ZMYM2: variants seen among roughly 807,000 people sequenced by gnomAD.
The protein encoded by ZMYM2 is zinc finger MYM-type containing 2, also known as zinc finger MYM-type protein 2.
In ZMYM2, 56 loss-of-function variants were observed where a neutral mutation model predicts 162.8. That is an observed-to-expected ratio of 0.34 (90% CI 0.28 to 0.43). The LOEUF (loss-of-function observed/expected upper bound fraction) is 0.43. ZMYM2 is among the 20% of genes least tolerant of loss of function. The pLI is 1.00. For synonymous variants in ZMYM2, 510 were observed against 541.6 expected, an observed-to-expected ratio of 0.94 and a Z score of 0.81; for missense variants, 1,275 against 1,621.8, an observed-to-expected ratio of 0.79 and a Z score of 3.67.
At chr13:19,899,290 T>A in the ZMYM2 span, among the ~76,000 whole-genome samples, 3 of 151,970 alleles carry the variant, frequency 2.0e-5, no homozygotes, top group Non-Finnish European at 4.4e-5. Context: ...AATAAATAGA[T>A]AAATAGATAA....
At chr13:19,884,378 G>A in the ZMYM2 span, among the ~76,000 whole-genome samples, 6 of 151,334 alleles carry the variant, frequency 4.0e-5, no homozygotes, top group African/African-American at 9.7e-5. Flanking sequence ...GATCGAGACG[G>A]CCCGGGCTAA....
chr13:19,877,812 C>T, the ZMYM2 span, among the ~76,000 whole-genome samples: 1 of 152,156 alleles, frequency 6.6e-6, no homozygotes, highest in South Asian at 2.1e-4. Context: ...ACTAAGGTTG[C>T]TTCCACATTT....
chr13:19,954,533 C>T (rs1954476333), upstream of ZMYM2, among the ~76,000 whole-genome samples: 1 of 152,090 alleles, frequency 6.6e-6, no homozygotes, highest in Non-Finnish European at 1.5e-5. Flanking sequence ...AGCCAAGAAT[C>T]CTAGGGCCAA....
At chr13:19,907,114 C>T in the ZMYM2 span, among the ~76,000 whole-genome samples, 1 of 152,154 alleles carries the variant, frequency 6.6e-6, no homozygotes, top group Non-Finnish European at 1.5e-5. Context: ...TAGGTAGAAA[C>T]ATCTATCTAT....
chr13:19,880,912 A>T, the ZMYM2 span, among the ~76,000 whole-genome samples: 1 of 149,616 alleles, frequency 6.7e-6, no homozygotes, highest in Non-Finnish European at 1.5e-5. Context: ...TTTTTTTGAG[A>T]CAGTCTCGCT....
the ZMYM2 span, among the ~76,000 whole-genome samples, chr13:19,888,336 C>T: frequency 2.0e-5 from 3 of 151,698 alleles, no homozygotes; most frequent in Admixed American, 2.0e-4. Flanking sequence ...TACAGGTATG[C>T]ACCACCATGG....
chr13:20,036,268 G>GT (rs11390219), intron 11 of ZMYM2, among the ~76,000 whole-genome samples: 118,944 of 149,516 alleles, frequency 0.8, 49,370 homozygotes, highest in Non-Finnish European at 0.92. Context: ...CAATAAATCT[G>GT]TTTTTTTTTC....
the ZMYM2 span, among the ~76,000 whole-genome samples, chr13:19,927,246 G>T: frequency 1.3e-5 from 2 of 151,940 alleles, no homozygotes; most frequent in Non-Finnish European, 2.9e-5. Flanking sequence ...TCAAGATCTA[G>T]ACCATTGCCG....
chr13:19,974,102 G>A (rs1734924452), intron 2 of ZMYM2, among the ~76,000 whole-genome samples: 1 of 152,190 alleles, frequency 6.6e-6, no homozygotes, highest in African/African-American at 2.4e-5. Context: ...TCAAATCCCA[G>A]TATATTTGCA....
chr13:19,887,385 TG>T, the ZMYM2 span, among the ~76,000 whole-genome samples: 4 of 151,468 alleles, frequency 2.6e-5, no homozygotes, highest in African/African-American at 9.7e-5. Flanking sequence ...AAAAATTAGC[TG>T]GGCGTGGTGG....
chr13:19,989,465 A>C (rs2139666368), intron 2 of ZMYM2, among the ~76,000 whole-genome samples: 1 of 152,050 alleles, frequency 6.6e-6, no homozygotes, highest in South Asian at 2.1e-4. Context: ...TACCATGCCC[A>C]GCTAATTTTT....
intron 2 of ZMYM2, among the ~76,000 whole-genome samples, chr13:19,976,027 C>CT (rs977668724): frequency 6.6e-6 from 1 of 151,938 alleles, no homozygotes. Context: ...GCCTGACCTC[C>CT]TTTTTTAGAA....
the ZMYM2 span, among the ~76,000 whole-genome samples, chr13:19,884,766 A>G: frequency 2.6e-5 from 4 of 152,160 alleles, no homozygotes; most frequent in East Asian, 5.8e-4. Context: ...TCTTCAACAT[A>G]GTGCCGACGC....
chr13:20,049,805 C>T (rs1378548766), intron 12 of ZMYM2, among the ~76,000 whole-genome samples: 1 of 151,970 alleles, frequency 6.6e-6, no homozygotes, highest in East Asian at 1.9e-4. Flanking sequence ...TCTCAGTGAA[C>T]AAGGTAGTCA....
chr13:20,054,581 C>A (rs369161684), intron 14 of ZMYM2, among the ~76,000 whole-genome samples: 2 of 152,274 alleles, frequency 1.3e-5, no homozygotes, highest in South Asian at 2.1e-4. Context: ...AATTTTTATT[C>A]TTTTGGGTCC....
chr13:19,866,878 G>GC, the ZMYM2 span, among the ~76,000 whole-genome samples: 1 of 151,930 alleles, frequency 6.6e-6, no homozygotes, highest in Non-Finnish European at 1.5e-5. Flanking sequence ...TCTGGGTGCA[G>GC]AGTGAGACCC....
chr13:19,982,209 A>G (rs1957393369), intron 2 of ZMYM2, among the ~76,000 whole-genome samples: 1 of 145,532 alleles, frequency 6.9e-6, no homozygotes, highest in Non-Finnish European at 1.5e-5. Flanking sequence ...TTGTGGATTT[A>G]TTTGGATGGG....
intron 2 of ZMYM2, among the ~76,000 whole-genome samples, chr13:19,976,718 G>A (rs537719484): frequency 1.7e-4 from 26 of 152,296 alleles, no homozygotes; most frequent in African/African-American, 5.8e-4. Flanking sequence ...ATGGTTCTAC[G>A]TTATAGCGTG....
At chr13:19,910,011 C>A in the ZMYM2 span, among the ~76,000 whole-genome samples, 3 of 149,888 alleles carry the variant, frequency 2.0e-5, no homozygotes, top group African/African-American at 7.4e-5. Flanking sequence ...GTCAGGAGAT[C>A]GAGACCATCC....
Sources: allele counts gnomAD v4.1 joint callset (sites outside exome capture counted in the v4.1 genomes callset), GRCh38; gene constraint gnomAD v4.1.1; transcripts MANE v1.5; gene names NCBI Gene and HGNC (gene_info 2026-07-23, HGNC 2026-07-21).